Variants in ITIH5 observed in about 807,000 individuals in gnomAD.
ITIH5 encodes inter-alpha-trypsin inhibitor heavy chain H5.
In ITIH5, 65 loss-of-function variants were observed where a neutral mutation model predicts 77.5. That is an observed-to-expected ratio of 0.84 (90% CI 0.69 to 1.03). The LOEUF (loss-of-function observed/expected upper bound fraction) is 1.03. Ranked by LOEUF, ITIH5 falls within the 50% of genes least tolerant of loss-of-function variation. The pLI, the probability that ITIH5 is intolerant of heterozygous loss-of-function variation, is 0.00. For missense variants in ITIH5, 1,208 were observed against 1,213.1 expected, an observed-to-expected ratio of 1.00 and a Z score of 0.06; for synonymous variants, 525 against 494.3, an observed-to-expected ratio of 1.06 and a Z score of -0.82.
chr10:7,587,651 C>T (rs1157196323), intron 7 of ITIH5, among the ~76,000 whole-genome samples: 3 of 152,248 alleles, frequency 2.0e-5, no homozygotes, highest in East Asian at 1.9e-4. Flanking sequence ...AAATCAGAAT[C>T]GAGATGAAAA....
rs1312406803 is a variant in ITIH5, at chr10:7,631,337, G to A, written c.652+5891C>T. On this transcript the variant is annotated intron_variant, in intron 5 of 13. Coordinates refer to ENST00000397146, the MANE Select transcript of ITIH5 (RefSeq NM_030569.7). ...TCAAACCACAGGGATGAAGGCTGACGCTAAGCCAGACTTGGAGCCTCTTCT... is the reference window on the plus strand; with the variant it reads ...TCAAACCACAGGGATGAAGGCTGACACTAAGCCAGACTTGGAGCCTCTTCT... Among the ~76,000 whole-genome samples the A allele has an allele frequency of 3.9e-5, 6 of 152,196 alleles. No individual in the cohort carries two copies. The East Asian group carries it at 5.8e-4, about 15-fold the overall frequency.
intron 9 of ITIH5, among the ~76,000 whole-genome samples, chr10:7,579,293 AG>A (rs1832489022): frequency 6.6e-6 from 1 of 152,244 alleles, no homozygotes; most frequent in Admixed American, 6.5e-5. Context: ...TGGGAGGCCA[AG>A]GCGGGCAGAT....
At position 7,661,312 on chromosome 10, in the gene ITIH5, C is replaced by T. The variant is rs147558181; in HGVS notation, c.90+5491G>A. Among the ~76,000 whole-genome samples the T allele has an allele frequency of 7.9e-5, 12 of 152,284 alleles. No individual in the cohort carries two copies. In the East Asian group the frequency reaches 1.5e-3, roughly 20 times the overall value. On this transcript the variant is annotated intron_variant, in intron 1 of 13. Coordinates refer to ENST00000397146, the MANE Select transcript of ITIH5 (RefSeq NM_030569.7). ...ACACCTTCAACTGACTGAAGTCATG[C>T]GTTCCTAGAGGGATCTGTACAAGGA...
intron 7 of ITIH5, among the ~76,000 whole-genome samples, chr10:7,606,155 G>A (rs548172550): frequency 6.6e-6 from 1 of 152,338 alleles, no homozygotes; most frequent in African/African-American, 2.4e-5. Context: ...CTGCCGGTAG[G>A]AATGTAAACT....
intron 4 of ITIH5, among the ~76,000 whole-genome samples, chr10:7,639,849 A>G (rs1021127356): frequency 6.6e-6 from 1 of 152,214 alleles, no homozygotes; most frequent in Non-Finnish European, 1.5e-5. Context: ...TAATAACTCA[A>G]ACAATGATTA....
chr10:7,574,808 AAAAAAGC>A, intron 10 of ITIH5, among the ~76,000 whole-genome samples: 1 of 7,796 alleles, frequency 1.3e-4, no homozygotes, highest in Non-Finnish European at 3.4e-4. Context: ...AAAAAAAAAA[AAAAAAGC>A]AAAAAAAAAC....
chr10:7,612,372 G>A (rs1833264502), intron 7 of ITIH5, among the ~76,000 whole-genome samples: 3 of 152,196 alleles, frequency 2.0e-5, no homozygotes, highest in Admixed American at 2.0e-4. Flanking sequence ...ACACCCATAT[G>A]TGACTAGTGG....
At chr10:7,585,453 T>C (rs1223813810) in intron 8 of ITIH5, among the ~76,000 whole-genome samples, 2 of 152,186 alleles carry the variant, frequency 1.3e-5, no homozygotes, top group Non-Finnish European at 1.5e-5. Flanking sequence ...CCAGGATACC[T>C]GTTTCACTCT....
intron 7 of ITIH5, among the ~76,000 whole-genome samples, chr10:7,593,942 G>C (rs985658670): frequency 6.6e-6 from 1 of 152,244 alleles, no homozygotes; most frequent in Non-Finnish European, 1.5e-5. Context: ...CAAGAGCTCT[G>C]CCTCCTGTGG....
intron 5 of ITIH5, chr10:7,622,036 C>T (rs993784823): frequency 2.0e-5 from 3 of 152,218 alleles, no homozygotes; most frequent in African/African-American, 7.2e-5. Flanking sequence ...TTGAGGGAGG[C>T]CAAGTCTTCT....
intron 1 of ITIH5, among the ~76,000 whole-genome samples, chr10:7,656,208 G>A (rs768196718): frequency 3.0e-4 from 46 of 152,156 alleles, no homozygotes; most frequent in Non-Finnish European, 5.4e-4. Flanking sequence ...GAGGGATGCG[G>A]GAAAGTGATG....
chr10:7,647,869 C>T (rs1263175447), intron 2 of ITIH5, among the ~76,000 whole-genome samples: 1 of 152,076 alleles, frequency 6.6e-6, no homozygotes, highest in Non-Finnish European at 1.5e-5. Flanking sequence ...CACTGTGTGA[C>T]TTTGCCAGAT....
At chr10:7,568,802 A>C (rs182480761) in intron 12 of ITIH5, among the ~76,000 whole-genome samples, 1 of 152,196 alleles carries the variant, frequency 6.6e-6, no homozygotes, top group East Asian at 1.9e-4. Context: ...CTACAGACCA[A>C]CAGGGGCCAC....
chr10:7,577,616 G>A (rs777114103), intron 9 of ITIH5, among the ~76,000 whole-genome samples: 16 of 152,192 alleles, frequency 1.1e-4, no homozygotes, highest in South Asian at 8.3e-4. Context: ...GAGTTTGTGC[G>A]TATAACATTT....
chr10:7,652,086 G>A (rs1221630805), intron 2 of ITIH5, among the ~76,000 whole-genome samples: 18 of 152,170 alleles, frequency 1.2e-4, no homozygotes, highest in Admixed American at 1.2e-3. Flanking sequence ...CCCAGGCCAG[G>A]ATCCATTCAG....
intron 7 of ITIH5, among the ~76,000 whole-genome samples, chr10:7,608,321 C>A (rs1012941091): frequency 2.5e-4 from 38 of 152,244 alleles, no homozygotes; most frequent in African/African-American, 8.2e-4. Flanking sequence ...GCTCTGTTGC[C>A]CAGGCTGGAG....
chr10:7,602,802 T>C (rs920855258), intron 7 of ITIH5, among the ~76,000 whole-genome samples: 1 of 152,202 alleles, frequency 6.6e-6, no homozygotes, highest in African/African-American at 2.4e-5. Context: ...TCTTTTTTTT[T>C]ACTCTATCCA....
chr10:7,664,350 A>C (rs950240894), intron 1 of ITIH5, among the ~76,000 whole-genome samples: 3 of 151,500 alleles, frequency 2.0e-5, no homozygotes, highest in Non-Finnish European at 4.4e-5. Flanking sequence ...CAGAGAGCAG[A>C]GAGCCTGCCA....
At chr10:7,573,378 C>G (rs1183862565) in intron 10 of ITIH5, among the ~76,000 whole-genome samples, 183 bp from the exon 11 acceptor site, 1 of 151,750 alleles carries the variant, frequency 6.6e-6, no homozygotes, top group Non-Finnish European at 1.5e-5. Flanking sequence ...TCAAAACACA[C>G]AAGCAGAGCC....
Sources: allele counts gnomAD v4.1 joint callset (sites outside exome capture counted in the v4.1 genomes callset), GRCh38; gene constraint gnomAD v4.1.1; transcripts MANE v1.5; gene names NCBI Gene and HGNC (gene_info 2026-07-23, HGNC 2026-07-21).